PLAT: variants seen among roughly 807,000 people sequenced by gnomAD.
PLAT encodes the protein plasminogen activator, tissue type, also known as tissue-type plasminogen activator.
Under a neutral mutation model 74.9 loss-of-function variants are expected in PLAT, and 48 were observed. The ratio of observed to expected loss-of-function variants is 0.64; its 90% CI spans 0.51 to 0.82. The LOEUF is 0.82. Among genes scored for constraint, PLAT ranks in the 40% least tolerant of loss-of-function variants. The pLI is 0.00. For synonymous variants in PLAT, 307 were observed against 294.4 expected (o/e 1.04, Z -0.44); for missense variants, 673 against 736.2 (o/e 0.91, Z 0.99).
Position 42,176,169 on chromosome 8 carries a change from G to T in PLAT, c.1531-18C>A, listed in dbSNP as rs774798728. The T allele has an allele frequency of 7.5e-6, 12 of 1,600,390 alleles. No individual in the cohort carries two copies. In the South Asian group the frequency reaches 1.2e-4, roughly 16 times the overall value. On this transcript the variant is annotated intron_variant, in intron 13 of 13. Coordinates refer to ENST00000220809, the MANE Select transcript of PLAT (RefSeq NM_000930.5). ...GAATCGCCCTGCAAAGGAGATAGCA[G>T]GTTTGGCGTTTGCAAAAAAAGCAGA...
rs375982507 is a variant in PLAT, at chr8:42,187,491, G to A, written c.446C>T (p.Thr149Ile). The change falls in exon 6 of 14, where the codon ACC becomes ATC. Residue 149 changes from threonine to isoleucine, a missense_variant. By Grantham distance (89) the Thr-to-Ile change is moderately conservative. Transcript: ENST00000220809. Reference protein sequence around the residue: ...WSTAESGAECTNWNSSALAQK... With the variant: ...WSTAESGAECINWNSSALAQK... ...GGCCAACGCGCTGCTGTTCCAGTTG[G>A]TGCACTCGGCGCCACTCTCCGCTGT... 1.7e-5 allele frequency: 27 copies of A among 1,610,838 alleles called. No individual in the cohort carries two copies. The highest frequency in any genetic ancestry group is 6.7e-5 in the Admixed American group (4 of 59,994).
intron 1 of PLAT, 113 bp downstream of exon 1, chr8:42,207,381 A>G (rs1434210516): frequency 6.6e-6 from 1 of 152,200 alleles, no homozygotes; most frequent in East Asian, 1.9e-4. Flanking sequence ...TAGTTGCCTG[A>G]ATTACAAAGT....
At position 42,185,821 on chromosome 8, in the gene PLAT, A is replaced by G. The variant is rs145565741; in HGVS notation, c.540-649T>C. Reference sequence around the variant, plus strand: ...AATATCTACAGCCAGTTGACTTTAGAAAAGGAAATTGTCCTAGATAATGTA... The same window carrying G: ...AATATCTACAGCCAGTTGACTTTAGGAAAGGAAATTGTCCTAGATAATGTA... On this transcript the variant is annotated intron_variant, in intron 6 of 13. Coordinates refer to ENST00000220809, the MANE Select transcript of PLAT (RefSeq NM_000930.5). 2.4e-4 allele frequency: 36 copies of G among 152,356 alleles called. 1 individual carries two copies. The highest frequency in any genetic ancestry group is 8.7e-4 in the African/African-American group (36 of 41,586). 9.4% of individuals were successfully genotyped at this position (152,356 alleles called of 1,614,324 possible). A position where few individuals can be genotyped will look rare whatever the true frequency, so the allele number is the denominator to read the frequency against.
chr8:42,190,424 C>G (rs1348796456), intron 3 of PLAT, among the ~76,000 whole-genome samples: 1 of 152,112 alleles, frequency 6.6e-6, no homozygotes, highest in East Asian at 1.9e-4. Context: ...TGAAGTACTC[C>G]CATTAATATT....
In PLAT at chr8:42,187,146, A is replaced by G. The variant is rs8178752; in HGVS notation, c.539+252T>C. 4.8e-3 allele frequency: 1,894 copies of G among 395,338 alleles called. 33 individuals carry two copies. Among genetic ancestry groups the G allele is most frequent in the African/African-American group, 0.035 (1,757 of 50,030 alleles). 24.5% of individuals were successfully genotyped at this position (395,338 alleles called of 1,614,324 possible). Reference sequence around the variant, plus strand: ...ATCACCTATCATCTGTCTATCTGTCATCCATCTACCGTCTATTTATCATCT... The same window carrying G: ...ATCACCTATCATCTGTCTATCTGTCGTCCATCTACCGTCTATTTATCATCT... On this transcript the variant is annotated intron_variant, in intron 6 of 13. Coordinates refer to ENST00000220809, the MANE Select transcript of PLAT (RefSeq NM_000930.5).
chr8:42,180,392 A>C lies in PLAT; in HGVS notation c.1086-14T>G. Reference sequence around the variant, plus strand: ...TGGGGCGGAAACCTGGTGGAGAAACAGCCTTAGAATGCTTTTTTTGCTGTG... The same window carrying C: ...TGGGGCGGAAACCTGGTGGAGAAACCGCCTTAGAATGCTTTTTTTGCTGTG... On this transcript the variant is annotated splice_polypyrimidine_tract_variant and intron_variant, in intron 10 of 13. Transcript: ENST00000220809. 1.2e-6 allele frequency: 2 copies of C among 1,614,126 alleles called. No homozygotes were observed. The highest frequency in any genetic ancestry group is 1.7e-6 in the Non-Finnish European group (2 of 1,179,954).
chr8:42,175,810 G>T lies in PLAT; in HGVS notation c.*183C>A. The T allele has an allele frequency of 1.7e-6, 1 of 586,626 alleles. No individual in the cohort carries two copies. Among genetic ancestry groups the T allele is most frequent in the Non-Finnish European group, 3.0e-6 (1 of 328,938 alleles). 36.3% of individuals were successfully genotyped at this position (586,626 alleles called of 1,614,324 possible). ...GTATCCTGAAATCAGACCAAGTCCTGAAAACTTCCAAAATGGGAAGTATCT... is the reference window on the plus strand; with the variant it reads ...GTATCCTGAAATCAGACCAAGTCCTTAAAACTTCCAAAATGGGAAGTATCT... On this transcript the variant is annotated 3_prime_UTR_variant, in exon 14 of 14. Transcript: ENST00000220809.
intron 13 of PLAT, among the ~76,000 whole-genome samples, chr8:42,177,831 G>A (rs866889731): frequency 4.6e-5 from 7 of 152,256 alleles, no homozygotes; most frequent in Middle Eastern, 3.4e-3. Flanking sequence ...AATCAGAGGG[G>A]AAACCGCCGA....
chr8:42,178,262 T>A (rs1041295444), intron 13 of PLAT, among the ~76,000 whole-genome samples: 5 of 140,274 alleles, frequency 3.6e-5, no homozygotes, highest in Non-Finnish European at 6.2e-5. Context: ...AAACATTTCT[T>A]TCTTTTTTTT....
chr8:42,194,174 TC>T (rs1300852215), intron 1 of PLAT, among the ~76,000 whole-genome samples: 2 of 146,722 alleles, frequency 1.4e-5, no homozygotes, highest in African/African-American at 5.2e-5. Flanking sequence ...TGCCTCAGCT[TC>T]CCAGAGCTGG....
intron 2 of PLAT, among the ~76,000 whole-genome samples, chr8:42,191,965 C>T (rs1039200086): frequency 6.6e-6 from 1 of 151,224 alleles, no homozygotes; most frequent in Non-Finnish European, 1.5e-5. Context: ...GGGCAGTTTG[C>T]CTCTGCTGTG....
intron 1 of PLAT, among the ~76,000 whole-genome samples, chr8:42,202,272 C>G (rs935435440): frequency 6.6e-6 from 1 of 151,726 alleles, no homozygotes; most frequent in Non-Finnish European, 1.5e-5. Context: ...TTGGCTCAAG[C>G]AACCCGCCCA....
rs1325440261 is a variant in PLAT, at chr8:42,187,969, G to A, written c.301C>T (p.Leu101=). 1.2e-6 allele frequency: 2 copies of A among 1,613,736 alleles called. No individual in the cohort carries two copies. Among genetic ancestry groups the A allele is most frequent in the Admixed American group, 1.7e-5 (1 of 59,980 alleles). The change falls in exon 5 of 14, where the codon CTG becomes TTG. Residue 101 remains leucine (L), a synonymous_variant. Transcript: ENST00000220809. ...TGGCACACGAAATCTGAGAAGTACA[G>A]GGCCTGCTGGCAGGTGCCCCCGTTG... ...CFNGGTCQQA[L]YFSDFVCQCP...
chr8:42,203,026 T>C (rs1585440153), intron 1 of PLAT, among the ~76,000 whole-genome samples: 1 of 152,068 alleles, frequency 6.6e-6, no homozygotes, highest in Non-Finnish European at 1.5e-5. Context: ...TCTGCCAGGG[T>C]GTCCTGGGAG....
intron 1 of PLAT, 147 bp from the exon 2 acceptor site, chr8:42,193,358 T>C: frequency 1.7e-6 from 1 of 605,106 alleles, no homozygotes; most frequent in Non-Finnish European, 2.9e-6. Context: ...TAGAAGAGGA[T>C]TCTAGAAACT....
Position 42,187,955 on chromosome 8 carries a change from A to T in PLAT, c.315T>A (p.Asp105Glu), listed in dbSNP as rs1805549123. ...GTCQQALYFS[D>E]FVCQCPEGFA... The stretch of plus-strand genomic sequence containing the variant: ...ATCCTTCGGGGCACTGGCACACGAA[A>T]TCTGAGAAGTACAGGGCCTGCTGGC... The change falls in exon 5 of 14, where the codon GAT (aspartate) becomes GAA (glutamate). Residue 105 changes from aspartate to glutamate, a missense_variant. Physicochemically the swap from Asp to Glu is conservative, Grantham distance 45. Transcript: ENST00000220809. 1.2e-6 allele frequency: 2 copies of T among 1,613,786 alleles called. No homozygotes were observed. The highest frequency in any genetic ancestry group is 1.7e-6 in the Non-Finnish European group (2 of 1,179,782).
At chr8:42,176,219 T>A in intron 13 of PLAT, 68 bp from the exon 14 acceptor site, 1 of 1,160,096 alleles carries the variant, frequency 8.6e-7, no homozygotes, top group Non-Finnish European at 1.2e-6. Flanking sequence ...TCAGTATGTG[T>A]AGCATGAACA....
chr8:42,202,775 T>G (rs8178686), intron 1 of PLAT, among the ~76,000 whole-genome samples: 1 of 151,978 alleles, frequency 6.6e-6, no homozygotes, highest in African/African-American at 2.4e-5. Context: ...TGGAGTGGAA[T>G]GTGGAGGAGG....
intron 12 of PLAT, among the ~76,000 whole-genome samples, chr8:42,179,456 G>A (rs998846813): frequency 3.9e-5 from 6 of 152,304 alleles, no homozygotes; most frequent in East Asian, 1.9e-4. Flanking sequence ...AATCACCCCA[G>A]CTGACATCCA....
Sources: gnomAD v4.1 joint callset for allele counts (sites outside exome capture counted in the v4.1 genomes callset) on GRCh38, gnomAD v4.1.1 for gene constraint, MANE v1.5 for transcripts, NCBI Gene and HGNC (gene_info 2026-07-23, HGNC 2026-07-21) for gene names.